The following SMARCA2 variants were observed in gnomAD, a reference collection of about 807,000 sequenced individuals.
SMARCA2 encodes the protein SWI/SNF related BAF chromatin remodeling complex subunit ATPase 2, also known as SWI/SNF-related matrix-associated actin-dependent regulator of chromatin subfamily A member 2.
SMARCA2 carries 61 observed loss-of-function variants against 199.8 expected under a neutral mutation model. The observed-to-expected ratio is 0.31, with a 90% CI of 0.25 to 0.38. SMARCA2 has a LOEUF of 0.38. Ranked by LOEUF, SMARCA2 falls within the 10% of genes least tolerant of loss-of-function variation. SMARCA2 has a pLI of 1.00. For missense variants in SMARCA2, 1,344 were observed against 2,012.2 expected, an observed-to-expected ratio of 0.67 and a Z score of 6.35; for synonymous variants, 935 against 732.0, an observed-to-expected ratio of 1.28 and a Z score of -4.48.
intron 10 of SMARCA2, among the ~76,000 whole-genome samples, chr9:2,071,137 A>G (rs1378291015): frequency 6.6e-6 from 1 of 152,230 alleles, no homozygotes; most frequent in Admixed American, 6.5e-5. Flanking sequence ...ATTTTGTCTC[A>G]TAAATTCTGA....
intron 7 of SMARCA2, among the ~76,000 whole-genome samples, chr9:2,057,236 T>C (rs1396401912): frequency 6.6e-6 from 1 of 152,216 alleles, no homozygotes; most frequent in Non-Finnish European, 1.5e-5. Context: ...GGTCTTCTTC[T>C]GGGTTGCAAA....
chr9:2,059,763 G>T (rs73638373), intron 8 of SMARCA2, among the ~76,000 whole-genome samples: 2,184 of 152,210 alleles, frequency 0.014, 47 homozygotes, highest in African/African-American at 0.05. Flanking sequence ...TGATGAAGCT[G>T]CTGTCACTCA....
chr9:2,182,250 TTG>T lies in SMARCA2; in HGVS notation c.4461+10_4461+11del, dbSNP rs1261682948. ...AACCTGGAGGGATCCCAGGTCTGTC[TTG>T]TTAAGTTGTCTAAAAGTTCTTAACT... On this transcript the variant is annotated intron_variant, in intron 31 of 33. Coordinates refer to ENST00000349721, the MANE Select transcript of SMARCA2 (RefSeq NM_003070.5). 4 of 1,567,142 alleles carry T rather than the reference TTG, an allele frequency of 2.6e-6. No individual in the cohort carries two copies. The highest frequency in any genetic ancestry group is 1.7e-4 in the Middle Eastern group (1 of 5,970).
intron 14 of SMARCA2, among the ~76,000 whole-genome samples, chr9:2,078,886 A>C (rs574051031): frequency 5.5e-4 from 83 of 152,254 alleles, no homozygotes; most frequent in Admixed American, 1.0e-3. Context: ...CGGAGCTTAC[A>C]GTGAGCCGAG....
intron 1 of SMARCA2, among the ~76,000 whole-genome samples, chr9:2,025,117 G>A (rs1178728484): frequency 6.6e-6 from 1 of 152,118 alleles, no homozygotes; most frequent in East Asian, 1.9e-4. Flanking sequence ...GGATGACTGT[G>A]GTGTTTGGAG....
At chr9:2,096,533 G>A (rs1217304218) in intron 19 of SMARCA2, 124 bp from the exon 20 acceptor site, 1 of 660,590 alleles carries the variant, frequency 1.5e-6, no homozygotes. Flanking sequence ...CGCACTCCGT[G>A]AATCCAAGAA....
chr9:2,117,714 G>A (rs1021716394), intron 25 of SMARCA2, among the ~76,000 whole-genome samples: 4 of 152,186 alleles, frequency 2.6e-5, no homozygotes. Flanking sequence ...GATCTCCCCT[G>A]GGCCCGAGGG....
At chr9:2,077,566 T>G (rs759641726) in intron 13 of SMARCA2, 63 bp from the exon 14 acceptor site, 96 of 1,524,636 alleles carry the variant, frequency 6.3e-5, no homozygotes, top group Non-Finnish European at 8.2e-5. Context: ...ATTTTTTGAG[T>G]GAAGTAAAAC....
intron 28 of SMARCA2, among the ~76,000 whole-genome samples, chr9:2,168,087 T>C (rs1047617627): frequency 1.3e-5 from 2 of 151,078 alleles, no homozygotes; most frequent in Non-Finnish European, 2.9e-5. Context: ...TGGAGTGCAG[T>C]GGCAACATCT....
At chr9:2,051,066 G>A (rs927481505) in intron 5 of SMARCA2, among the ~76,000 whole-genome samples, 6 of 152,178 alleles carry the variant, frequency 3.9e-5, no homozygotes, top group Admixed American at 2.6e-4. Context: ...ACTACCTGCT[G>A]AATCTCACTG....
chr9:2,054,779 A>G, intron 6 of SMARCA2, 56 bp downstream of exon 6: 4 of 1,586,278 alleles, frequency 2.5e-6, no homozygotes, highest in East Asian at 2.2e-5. Context: ...AATTGTTCCT[A>G]AAGTGTTATC....
intron 18 of SMARCA2, among the ~76,000 whole-genome samples, 176 bp from the exon 19 acceptor site, chr9:2,088,324 C>T (rs1048414396): frequency 1.3e-5 from 2 of 152,146 alleles, no homozygotes; most frequent in African/African-American, 2.4e-5. Flanking sequence ...ATTTTGTTAC[C>T]ACTTGGTAGG....
intron 5 of SMARCA2, 24 bp downstream of exon 5, chr9:2,047,508 GC>G (rs1451326924): frequency 7.3e-7 from 1 of 1,371,220 alleles, no homozygotes; most frequent in Non-Finnish European, 9.5e-7. Context: ...CCAGCAAGGG[GC>G]CCCCTGCGGT....
Position 2,159,456 on chromosome 9 carries a change from T to TA in SMARCA2, c.3982-2224dup, listed in dbSNP as rs548598571. The TA allele has an allele frequency of 8.1e-5, 17 of 210,958 alleles. No individual in the cohort carries two copies. The South Asian group carries it at 1.8e-3, about 23-fold the overall frequency. 13.1% of individuals were successfully genotyped at this position (210,958 alleles called of 1,614,324 possible). A position where few individuals can be genotyped will look rare whatever the true frequency, so the allele number is the denominator to read the frequency against. On this transcript the variant is annotated intron_variant, in intron 27 of 33. Transcript: ENST00000349721. ...TGCTCCAAACCATGCTGCTATTTTT[T>TA]AAAAAATAAGGTACAAAATACCAAA...
At chr9:2,163,357 C>G (rs754308156) in intron 28 of SMARCA2, among the ~76,000 whole-genome samples, 2 of 152,144 alleles carry the variant, frequency 1.3e-5, no homozygotes, top group Non-Finnish European at 2.9e-5. Context: ...TGGGTTTGGA[C>G]CAACGGTTCA....
chr9:2,154,475 T>C (rs1385169928), intron 27 of SMARCA2, among the ~76,000 whole-genome samples: 4 of 152,170 alleles, frequency 2.6e-5, no homozygotes, highest in East Asian at 1.9e-4. Context: ...ATTCTTTGCA[T>C]TGGACTCAAG....
intron 4 of SMARCA2, 145 bp from the exon 5 acceptor site, chr9:2,047,084 T>A: frequency 6.5e-6 from 1 of 153,058 alleles, no homozygotes; most frequent in Non-Finnish European, 1.0e-5. Flanking sequence ...CTTGCCCTCC[T>A]TTTTTTTTTT....
At chr9:2,050,322 CT>C (rs33981080) in intron 5 of SMARCA2, among the ~76,000 whole-genome samples, 389 of 146,968 alleles carry the variant, frequency 2.6e-3, no homozygotes, top group African/African-American at 7.3e-3. Context: ...CCCTGTACTG[CT>C]TTTTTTTTTT....
At chr9:2,156,162 A>T (rs906505235) in intron 27 of SMARCA2, among the ~76,000 whole-genome samples, 1 of 152,186 alleles carries the variant, frequency 6.6e-6, no homozygotes, top group African/African-American at 2.4e-5. Context: ...GGGATTTTCG[A>T]AAAGTTCTAG....
Sources: allele counts gnomAD v4.1 joint callset (sites outside exome capture counted in the v4.1 genomes callset), GRCh38; gene constraint gnomAD v4.1.1; transcripts MANE v1.5; gene names NCBI Gene and HGNC (gene_info 2026-07-23, HGNC 2026-07-21).